Variants in STK38 observed in about 807,000 individuals in gnomAD.
STK38 encodes the protein serine/threonine-protein kinase 38.
In STK38, 26 loss-of-function variants were observed where a neutral mutation model predicts 59.0. The observed-to-expected ratio is 0.44, with a 90% CI of 0.32 to 0.61. The LOEUF is 0.61. Ranked by LOEUF, STK38 falls within the 20% of genes least tolerant of loss-of-function variation. The pLI, the probability that STK38 is intolerant of heterozygous loss-of-function variation, is 0.04. For missense variants in STK38, 433 were observed against 566.0 expected, an observed-to-expected ratio of 0.76 and a Z score of 2.38; for synonymous variants, 175 against 176.6, an observed-to-expected ratio of 0.99 and a Z score of 0.07.
chr6:36,545,340 T>C (rs1343273685), intron 1 of STK38, among the ~76,000 whole-genome samples: 1 of 146,438 alleles, frequency 6.8e-6, no homozygotes, highest in Non-Finnish European at 1.5e-5. Flanking sequence ...TTTACACTGA[T>C]GGATATATCA....
chr6:36,507,967 T>C (rs1245109038), intron 7 of STK38, among the ~76,000 whole-genome samples: 1 of 149,090 alleles, frequency 6.7e-6, no homozygotes, highest in African/African-American at 2.5e-5. Flanking sequence ...ATGGTCTTGC[T>C]GTGTCACCCA....
At chr6:36,527,263 T>C (rs1777548871) in intron 2 of STK38, among the ~76,000 whole-genome samples, 1 of 147,138 alleles carries the variant, frequency 6.8e-6, no homozygotes, top group Non-Finnish European at 1.5e-5. Context: ...CATATGTATA[T>C]ATGTACACAT....
rs904697785 is a variant in STK38 at position 36,540,156 on chromosome 6, G to A, written c.47C>T (p.Thr16Ile). ...STPCSSMSNHTKERVTMTKVT... is the reference protein window; with the variant it reads ...STPCSSMSNHIKERVTMTKVT... ...TTTGGTCATTGTCACCCTTTCCTTT[G>A]TGTGGTTACTCATGGATGAGCAAGG... Residue 16 changes from threonine to isoleucine, a missense_variant, in exon 2 of 14, where the codon ACA (threonine) becomes ATA (isoleucine). This residue lies in a region of STK38 where 293 missense variants were observed against 388.2 expected (regional missense o/e 0.75). Coordinates refer to ENST00000229812, the MANE Select transcript of STK38 (RefSeq NM_007271.4). 2 of 1,614,050 alleles carry A rather than the reference G, an allele frequency of 1.2e-6. No homozygotes were observed.
Position 36,495,931 on chromosome 6 carries a change from T to C in STK38, c.1268-17A>G, listed in dbSNP as rs765594338. On this transcript the variant is annotated splice_polypyrimidine_tract_variant and intron_variant, in intron 13 of 13. Coordinates refer to ENST00000229812, the MANE Select transcript of STK38 (RefSeq NM_007271.4). Reference sequence around the variant, plus strand: ...TTGTGGCCACTGGGAAAGAAATAGATGTGAGAGTTGATTCACTGCCTTGCC... The same window carrying C: ...TTGTGGCCACTGGGAAAGAAATAGACGTGAGAGTTGATTCACTGCCTTGCC... 1 of 1,613,624 alleles carries C rather than the reference T, an allele frequency of 6.2e-7. No homozygotes were observed. The highest frequency in any genetic ancestry group is 8.5e-7 in the Non-Finnish European group (1 of 1,179,744).
At chr6:36,510,236 T>C (rs1230230170) in intron 7 of STK38, among the ~76,000 whole-genome samples, 1 of 152,246 alleles carries the variant, frequency 6.6e-6, no homozygotes, top group Non-Finnish European at 1.5e-5. Flanking sequence ...CCTCCCCTGC[T>C]TGGCCTCCCT....
intron 9 of STK38, among the ~76,000 whole-genome samples, chr6:36,500,400 C>T (rs1351026435): frequency 1.3e-5 from 2 of 152,088 alleles, no homozygotes; most frequent in African/African-American, 4.8e-5. Flanking sequence ...TTTGCAGATA[C>T]AATTTGATGC....
chr6:36,498,024 C>T (rs1776748108), intron 11 of STK38, 149 bp from the exon 12 acceptor site: 8 of 629,958 alleles, frequency 1.3e-5, no homozygotes, highest in South Asian at 1.0e-4. Context: ...ACTGCAGCCT[C>T]AACTTCCTGG....
intron 2 of STK38, among the ~76,000 whole-genome samples, chr6:36,529,808 T>C (rs1777623137): frequency 1.3e-5 from 2 of 152,198 alleles, no homozygotes; most frequent in Admixed American, 1.3e-4. Flanking sequence ...TTAGCCCCCT[T>C]TTCTAATCTA....
At chr6:36,506,698 C>T in intron 8 of STK38, 54 bp from the exon 9 acceptor site, 1 of 1,538,158 alleles carries the variant, frequency 6.5e-7, no homozygotes, top group Non-Finnish European at 8.9e-7. Flanking sequence ...ATGTTTACTA[C>T]TTTTTTTAGT....
chr6:36,528,291 C>G (rs1044113587), intron 2 of STK38, among the ~76,000 whole-genome samples: 17 of 151,966 alleles, frequency 1.1e-4, no homozygotes, highest in African/African-American at 4.1e-4. Context: ...AGAATGGTAA[C>G]CAGCAGTAAT....
rs562125509 is a variant in STK38 at position 36,524,276 on chromosome 6, T to C, written c.306+65A>G. 67 of 1,547,332 alleles carry C rather than the reference T, an allele frequency of 4.3e-5. 1 individual carries two copies. In the South Asian group the frequency reaches 7.1e-4, roughly 16 times the overall value. On this transcript the variant is annotated intron_variant, in intron 4 of 13. Coordinates refer to ENST00000229812, the MANE Select transcript of STK38 (RefSeq NM_007271.4). ...TGTTATATCAACAATCATGACTTAA[T>C]GGTATGTTAGAAGCTTTGAAGTTTT...
intron 2 of STK38, among the ~76,000 whole-genome samples, chr6:36,530,244 G>GAA (rs1777632874): frequency 2.0e-5 from 3 of 148,028 alleles, no homozygotes; most frequent in South Asian, 4.3e-4. Context: ...CTGTCAGAAA[G>GAA]AAAAGAGAAG....
chr6:36,518,744 C>G (rs1175625550), intron 5 of STK38, among the ~76,000 whole-genome samples: 1 of 152,120 alleles, frequency 6.6e-6, no homozygotes, highest in Non-Finnish European at 1.5e-5. Context: ...TTTTAAGTGT[C>G]ACAAGGTCTA....
intron 7 of STK38, 124 bp from the exon 8 acceptor site, chr6:36,507,726 T>A (rs1472906329): frequency 6.5e-6 from 4 of 615,122 alleles, no homozygotes; most frequent in Non-Finnish European, 1.1e-5. Flanking sequence ...CCTTCTTTTA[T>A]GATAGGAAAA....
intron 7 of STK38, among the ~76,000 whole-genome samples, chr6:36,512,354 T>C (rs940589288): frequency 3.9e-5 from 6 of 152,170 alleles, no homozygotes; most frequent in African/African-American, 1.4e-4. Context: ...CTCAAGTTCT[T>C]TAATATGGTT....
chr6:36,520,081 C>T (rs1338499801), intron 5 of STK38, among the ~76,000 whole-genome samples: 1 of 152,156 alleles, frequency 6.6e-6, no homozygotes, highest in African/African-American at 2.4e-5. Context: ...TTATCTAGCA[C>T]AAAACCAATG....
intron 7 of STK38, among the ~76,000 whole-genome samples, chr6:36,509,842 C>T (rs568936844): frequency 2.5e-4 from 38 of 152,278 alleles, no homozygotes; most frequent in African/African-American, 5.3e-4. Flanking sequence ...GGACCTGGCA[C>T]CCATCAAGTC....
intron 9 of STK38, among the ~76,000 whole-genome samples, chr6:36,501,243 G>T (rs547997949): frequency 6.6e-6 from 1 of 151,904 alleles, no homozygotes; most frequent in Non-Finnish European, 1.5e-5. Context: ...GTGAGCCACC[G>T]CACCTGACCA....
At chr6:36,531,131 G>C (rs954879051) in intron 2 of STK38, among the ~76,000 whole-genome samples, 9 of 152,184 alleles carry the variant, frequency 5.9e-5, no homozygotes, top group African/African-American at 2.2e-4. Context: ...AAATAAAACT[G>C]ACACTGGATC....
Sources: gnomAD v4.1 joint callset for allele counts (sites outside exome capture counted in the v4.1 genomes callset) on GRCh38, gnomAD v4.1.1 for gene constraint, gnomAD v4.1.1 regional missense constraint, MANE v1.5 for transcripts, NCBI Gene and HGNC (gene_info 2026-07-23, HGNC 2026-07-21) for gene names.